TM4SF19: variants seen among roughly 807,000 people sequenced by gnomAD.
The protein encoded by TM4SF19 is transmembrane 4 L6 family member 19.
Under a neutral mutation model 21.8 loss-of-function variants are expected in TM4SF19, and 17 were observed. The ratio of observed to expected loss-of-function variants is 0.78; its 90% confidence interval spans 0.53 to 1.17. The LOEUF (loss-of-function observed/expected upper bound fraction) is 1.17, where lower values mean the gene tolerates loss of function less well. Among genes scored for constraint, TM4SF19 ranks in the 50% most tolerant of loss-of-function variants. TM4SF19 has a pLI of 0.00. For synonymous variants in TM4SF19, 107 were observed against 106.7 expected, an observed-to-expected ratio of 1.00 and a Z score of -0.02; for missense variants, 216 against 252.1, an observed-to-expected ratio of 0.86 and a Z score of 0.97.
intron 2 of TM4SF19, 150 bp from the exon 3 acceptor site, chr3:196,327,182 T>A: frequency 1.3e-6 from 1 of 792,188 alleles, no homozygotes; most frequent in Non-Finnish European, 2.1e-6. Flanking sequence ...ATGACGAGCC[T>A]GATCTAACGC....
At chr3:196,330,551 T>C (rs1727468215) in intron 1 of TM4SF19, among the ~76,000 whole-genome samples, 1 of 152,212 alleles carries the variant, frequency 6.6e-6, no homozygotes, top group Non-Finnish European at 1.5e-5. Flanking sequence ...AAATTTCTGC[T>C]ACATATAACA....
chr3:196,336,891 C>T (rs930046930), intron 1 of TM4SF19, among the ~76,000 whole-genome samples: 16 of 152,128 alleles, frequency 1.1e-4, no homozygotes, highest in African/African-American at 3.9e-4. Context: ...CGCCACCCAG[C>T]AAGGCTTTTC....
intron 2 of TM4SF19, 58 bp downstream of exon 2, chr3:196,327,332 C>G: frequency 6.5e-7 from 1 of 1,542,264 alleles, no homozygotes. Context: ...ATGCCACCTT[C>G]CTGCTCCCCG....
chr3:196,324,137 C>G, intron 4 of TM4SF19, 134 bp downstream of exon 4: 1 of 1,442,676 alleles, frequency 6.9e-7, no homozygotes, highest in Non-Finnish European at 9.7e-7. Context: ...GCTCCATTTG[C>G]AATTTTCTGA....
In TM4SF19 at chr3:196,327,735, C is replaced by A. The variant is rs940376991; in HGVS notation, c.-1-144G>T. The A allele has an allele frequency of 4.7e-6, 3 of 642,978 alleles. No homozygotes were observed. In the East Asian group the frequency reaches 8.2e-5, roughly 18 times the overall value. 39.8% of individuals were successfully genotyped at this position (642,978 alleles called of 1,614,324 possible). On this transcript the variant is annotated intron_variant, in intron 1 of 4. Transcript: ENST00000273695. Reference sequence around the variant, plus strand: ...AGACCAATGAGAGCCAAGCAACCTGCTTAAAAACTCTGCTCCTTAGGAATC... The same window carrying A: ...AGACCAATGAGAGCCAAGCAACCTGATTAAAAACTCTGCTCCTTAGGAATC...
intron 1 of TM4SF19, 54 bp from the exon 2 acceptor site, chr3:196,327,645 G>C: frequency 6.8e-7 from 1 of 1,468,766 alleles, no homozygotes; most frequent in Non-Finnish European, 9.5e-7. Context: ...GGATGGGGAA[G>C]GGAACTCCAG....
Position 196,329,294 on chromosome 3 carries a change from C to T in TM4SF19, c.-1-1703G>A, listed in dbSNP as rs1727424077. 3.2e-5 allele frequency among the ~76,000 whole-genome samples: 4 copies of T among 126,592 alleles called. 2 individuals are homozygous for T. The highest frequency in any genetic ancestry group is 6.9e-5 in the Non-Finnish European group (4 of 57,640). 83.0% of individuals were successfully genotyped at this position (126,592 alleles called of 152,430 possible). A position where few individuals can be genotyped will look rare whatever the true frequency, so the allele number is the denominator to read the frequency against. On this transcript the variant is annotated intron_variant, in intron 1 of 4. Transcript: ENST00000273695. ...ATTCAGCGGGAAAAAGTCTCTTCCA[C>T]AAATGGTGCCGGAACAATGCACATG...
chr3:196,327,113 GGC>G lies in TM4SF19; in HGVS notation c.202-83_202-82del, dbSNP rs1402963434. The G allele has an allele frequency of 3.4e-6, 4 of 1,174,382 alleles. No individual in the cohort carries two copies. In the African/African-American group the frequency reaches 4.5e-5, roughly 13 times the overall value. The allele number at this position is 1,174,382 out of a possible 1,614,324, so 72.7% of individuals were successfully genotyped here. ...AGGTGCTGCCCACAGCTGTTAGAGT[GGC>G]TGGCAGCTCACATGAACGCAGTCCT... is the stretch of plus-strand genomic sequence containing the variant. On this transcript the variant is annotated intron_variant, in intron 2 of 4. Coordinates refer to ENST00000273695, the MANE Select transcript of TM4SF19 (RefSeq NM_138461.4).
intron 3 of TM4SF19, among the ~76,000 whole-genome samples, chr3:196,326,366 CCA>C (rs1377142806): frequency 3.3e-5 from 5 of 150,734 alleles, no homozygotes; most frequent in African/African-American, 4.9e-5. Flanking sequence ...TACCATAAGG[CCA>C]CAGATTCATG....
intron 1 of TM4SF19, among the ~76,000 whole-genome samples, chr3:196,330,745 G>T (rs2047550): frequency 0.35 from 53,468 of 151,998 alleles, 10,390 homozygotes; most frequent in East Asian, 0.81. Flanking sequence ...TTCTGAAGGG[G>T]TGGAAGCATT....
At chr3:196,336,738 G>T (rs1342977339) in intron 1 of TM4SF19, among the ~76,000 whole-genome samples, 1 of 152,202 alleles carries the variant, frequency 6.6e-6, no homozygotes, top group Admixed American at 6.5e-5. Context: ...TTAAAACCAG[G>T]CTGCTGGGGA....
In TM4SF19 at chr3:196,325,403, T is replaced by G. The variant is rs1441061466; in HGVS notation, c.280-963A>C. 6.6e-6 allele frequency: 1 copy of G among 152,240 alleles called. No homozygotes were observed. The highest frequency in any genetic ancestry group is 1.5e-5 in the Non-Finnish European group (1 of 68,066). 9.4% of individuals were successfully genotyped at this position (152,240 alleles called of 1,614,324 possible). On this transcript the variant is annotated intron_variant, in intron 3 of 4. Coordinates refer to ENST00000273695, the MANE Select transcript of TM4SF19 (RefSeq NM_138461.4). The surrounding 1 kb of genome is among the most constrained non-coding windows in gnomAD (Gnocchi z 4.3). Reference sequence around the variant, plus strand: ...TTTTAGTAGAAATGGGGTTTCACTGTGTTGGTCATGCCGGTCTCAATCTCC... The same window carrying G: ...TTTTAGTAGAAATGGGGTTTCACTGGGTTGGTCATGCCGGTCTCAATCTCC...
At chr3:196,337,051 CTTTTTTTTTT>C (rs35897935) in intron 1 of TM4SF19, among the ~76,000 whole-genome samples, 4 of 67,812 alleles carry the variant, frequency 5.9e-5, no homozygotes, top group African/African-American at 1.3e-4. Context: ...AAAAGCAATT[CTTTTTTTTTT>C]TTTTTTTTTT....
chr3:196,324,262 CCCAT>C lies in TM4SF19; in HGVS notation c.449+5_449+8del. ...TGAAAAGACCAAGCCCAAGCCTCCACCCATTTACCTACTATGCAGGTCTTTGAAT... is the reference window on the plus strand; with the variant it reads ...TGAAAAGACCAAGCCCAAGCCTCCACTTACCTACTATGCAGGTCTTTGAAT... On this transcript the variant is annotated splice_donor_5th_base_variant and intron_variant, in intron 4 of 4. Transcript: ENST00000273695. 6.2e-7 allele frequency: 1 copy of C among 1,613,580 alleles called. No individual in the cohort carries two copies. Among genetic ancestry groups the C allele is most frequent in the Non-Finnish European group, 8.5e-7 (1 of 1,179,686 alleles).
chr3:196,337,639 A>G (rs557291660), intron 1 of TM4SF19, among the ~76,000 whole-genome samples: 1 of 152,294 alleles, frequency 6.6e-6, no homozygotes, highest in South Asian at 2.1e-4. Context: ...GACTTCAGTA[A>G]ACACACTGCG....
In TM4SF19 at chr3:196,323,973, G is replaced by C; in HGVS notation, c.474C>G (p.Leu158=). 6.2e-7 allele frequency: 1 copy of C among 1,614,086 alleles called. No homozygotes were observed. Among genetic ancestry groups the C allele is most frequent in the South Asian group, 1.1e-5 (1 of 91,074 alleles). ...HSRNYLYDRS[L]WNSVCLEPSA... ...AGGGCTCCAGGCAGACGGAGTTCCAGAGCGAACGGTCATACAGATAATTCC... is the reference window on the plus strand; with the variant it reads ...AGGGCTCCAGGCAGACGGAGTTCCACAGCGAACGGTCATACAGATAATTCC... Residue 158 remains leucine (L), a synonymous_variant, in exon 5 of 5, where the codon CTC becomes CTG. Transcript: ENST00000273695.
intron 1 of TM4SF19, among the ~76,000 whole-genome samples, chr3:196,335,784 C>G (rs1054784001): frequency 1.3e-5 from 2 of 152,070 alleles, no homozygotes; most frequent in African/African-American, 4.8e-5. Context: ...TCTGCACATC[C>G]TCCCTCCGAG....
chr3:196,334,021 A>T (rs1042202642), intron 1 of TM4SF19, among the ~76,000 whole-genome samples: 1 of 152,160 alleles, frequency 6.6e-6, no homozygotes, highest in South Asian at 2.1e-4. Context: ...AGATCGCACC[A>T]CTGCACTCCA....
Position 196,327,560 on chromosome 3 carries a change from A to T in TM4SF19, c.31T>A (p.Ser11Thr), listed in dbSNP as rs747469687. ...CCCAGGATACGGGAGCAAGTCCGTG[A>T]GCTTGCCTGCGTGCAGGGAGAGGAC... MVSSPCTQAS[S>T]RTCSRILGLS... Residue 11 changes from serine (S) to threonine (T), a missense_variant, in exon 2 of 5, where the codon TCA (serine) becomes ACA (threonine). Coordinates refer to ENST00000273695, the MANE Select transcript of TM4SF19 (RefSeq NM_138461.4). The T allele has an allele frequency of 2.5e-6, 4 of 1,613,856 alleles. No individual in the cohort carries two copies. Among genetic ancestry groups the T allele is most frequent in the Non-Finnish European group, 3.4e-6 (4 of 1,179,954 alleles).
Sources: allele counts gnomAD v4.1 joint callset (sites outside exome capture counted in the v4.1 genomes callset), GRCh38; gene constraint gnomAD v4.1.1; non-coding constraint Gnocchi (gnomAD v3.1); transcripts MANE v1.5; gene names NCBI Gene and HGNC (gene_info 2026-07-23, HGNC 2026-07-21).